The following DPYD variants were observed in gnomAD, a reference collection of about 807,000 sequenced individuals.
DPYD encodes the protein dihydropyrimidine dehydrogenase [NADP(+)].
DPYD carries 109 observed loss-of-function variants against 116.2 expected under a neutral mutation model. The ratio of observed to expected loss-of-function variants is 0.94; its 90% CI spans 0.80 to 1.10. The LOEUF (loss-of-function observed/expected upper bound fraction) is 1.10, where lower values mean the gene tolerates loss of function less well. Ranked by LOEUF, DPYD falls within the 50% of genes least tolerant of loss-of-function variation. DPYD has a pLI of 0.00. For missense variants in DPYD, 1,302 were observed against 1,254.5 expected, an observed-to-expected ratio of 1.04 and a Z score of -0.57; for synonymous variants, 440 against 432.0, an observed-to-expected ratio of 1.02 and a Z score of -0.23.
chr1:97,260,432 G>T lies in DPYD; in HGVS notation c.2300-25438C>A, dbSNP rs562586201. Among the ~76,000 whole-genome samples the T allele has an allele frequency of 7.2e-5, 11 of 152,104 alleles. No homozygotes were observed. In the South Asian group the frequency reaches 2.3e-3, roughly 32 times the overall value. On this transcript the variant is annotated intron_variant, in intron 18 of 22. Transcript: ENST00000370192. ...TAGAGATATAGCCAAAAAAGACAAT[G>T]AAAGTATTCTGGAGAGGTGTGATGG...
intron 16 of DPYD, among the ~76,000 whole-genome samples, chr1:97,330,410 G>A (rs1282282278): frequency 1.3e-5 from 2 of 152,084 alleles, no homozygotes; most frequent in Admixed American, 1.3e-4. Context: ...CTAGTAGTGG[G>A]CTGCATGTTA....
At chr1:97,082,092 A>G (rs543513391) in intron 22 of DPYD, among the ~76,000 whole-genome samples, 1 of 152,236 alleles carries the variant, frequency 6.6e-6, no homozygotes, top group South Asian at 2.1e-4. Flanking sequence ...GTGGCTGATG[A>G]AATGGTATAA....
chr1:97,287,787 T>A (rs4266934), intron 18 of DPYD, among the ~76,000 whole-genome samples: 2 of 151,756 alleles, frequency 1.3e-5, no homozygotes, highest in Non-Finnish European at 2.9e-5. Flanking sequence ...TCGGAAACTC[T>A]CAGTATTAGG....
chr1:97,371,175 G>C (rs563137231), intron 16 of DPYD, among the ~76,000 whole-genome samples: 1 of 152,136 alleles, frequency 6.6e-6, no homozygotes, highest in African/African-American at 2.4e-5. Flanking sequence ...AAATATTTGT[G>C]AGAAAATATT....
chr1:97,526,953 T>C (rs904048926), intron 12 of DPYD, among the ~76,000 whole-genome samples: 1 of 152,194 alleles, frequency 6.6e-6, no homozygotes. Context: ...TATTCTCCTA[T>C]TGAAGATGAG....
intron 16 of DPYD, among the ~76,000 whole-genome samples, chr1:97,347,112 A>G (rs1669896909): frequency 6.6e-6 from 1 of 151,558 alleles, no homozygotes; most frequent in African/African-American, 2.4e-5. Flanking sequence ...TTTTAAATTC[A>G]TTTTTCAAGC....
At chr1:97,920,546 C>A (rs958547269) in intron 1 of DPYD, among the ~76,000 whole-genome samples, 1 of 152,086 alleles carries the variant, frequency 6.6e-6, no homozygotes, top group South Asian at 2.1e-4. Flanking sequence ...GCACTCCTAC[C>A]CCCTAGAGTC....
chr1:97,390,212 A>G (rs1672619263), intron 14 of DPYD, among the ~76,000 whole-genome samples: 1 of 152,068 alleles, frequency 6.6e-6, no homozygotes, highest in Non-Finnish European at 1.5e-5. Context: ...CCAGTCAACA[A>G]TTCAGCTTCA....
intron 19 of DPYD, among the ~76,000 whole-genome samples, chr1:97,222,987 T>C (rs896199655): frequency 6.6e-6 from 1 of 152,030 alleles, no homozygotes; most frequent in African/African-American, 2.4e-5. Flanking sequence ...AAATTTGTAA[T>C]ATAGGGTGCA....
chr1:97,078,908 T>A lies in DPYD; in HGVS notation c.*68A>T. 1 of 1,540,116 alleles carries A rather than the reference T, an allele frequency of 6.5e-7. No individual in the cohort carries two copies. The highest frequency in any genetic ancestry group is 9.0e-7 in the Non-Finnish European group (1 of 1,112,974). On this transcript the variant is annotated 3_prime_UTR_variant, in exon 23 of 23. Coordinates refer to ENST00000370192, the MANE Select transcript of DPYD (RefSeq NM_000110.4). ...ATTTGGAAAGAGCTGAACACAAGGATCATGATTTTAAAAGATCAGCATATG... is the reference window on the plus strand; with the variant it reads ...ATTTGGAAAGAGCTGAACACAAGGAACATGATTTTAAAAGATCAGCATATG...
At chr1:97,697,995 G>T (rs1661397473) in intron 6 of DPYD, among the ~76,000 whole-genome samples, 1 of 151,882 alleles carries the variant, frequency 6.6e-6, no homozygotes, top group Admixed American at 6.6e-5. Context: ...TACATATATT[G>T]TTAATAGATT....
At chr1:97,312,190 C>T (rs958506270) in intron 16 of DPYD, among the ~76,000 whole-genome samples, 5 of 151,700 alleles carry the variant, frequency 3.3e-5, no homozygotes, top group South Asian at 4.2e-4. Flanking sequence ...CATCGAATCT[C>T]GCTAGTAATT....
intron 14 of DPYD, among the ~76,000 whole-genome samples, chr1:97,395,072 G>A (rs1473308042): frequency 6.6e-6 from 1 of 151,880 alleles, no homozygotes; most frequent in Admixed American, 6.6e-5. Flanking sequence ...CCTCTCCTGT[G>A]CCCTATTGCT....
intron 4 of DPYD, among the ~76,000 whole-genome samples, chr1:97,731,712 T>G (rs1245142682): frequency 6.6e-6 from 1 of 152,034 alleles, no homozygotes; most frequent in African/African-American, 2.4e-5. Context: ...CTAGTTCAAT[T>G]ACATTTTCTT....
chr1:97,807,187 T>C (rs1474603274), intron 3 of DPYD, among the ~76,000 whole-genome samples: 4 of 152,040 alleles, frequency 2.6e-5, no homozygotes, highest in Admixed American at 2.6e-4. Flanking sequence ...AAAAATGCAA[T>C]TGCTGGACTG....
At chr1:97,418,068 T>A (rs968286416) in intron 14 of DPYD, among the ~76,000 whole-genome samples, 13 of 152,232 alleles carry the variant, frequency 8.5e-5, no homozygotes, top group Non-Finnish European at 1.6e-4. Context: ...AAGGATTTAG[T>A]AAATAAGTTA....
chr1:97,841,707 G>T (rs61787780), intron 2 of DPYD, among the ~76,000 whole-genome samples: 1 of 151,014 alleles, frequency 6.6e-6, no homozygotes, highest in Non-Finnish European at 1.5e-5. Flanking sequence ...GGGAGTAGCA[G>T]GGGAAAAAAA....
intron 16 of DPYD, among the ~76,000 whole-genome samples, chr1:97,358,168 G>A (rs1331362030): frequency 6.6e-6 from 1 of 152,236 alleles, no homozygotes; most frequent in South Asian, 2.1e-4. Context: ...CTGGCTCAGT[G>A]GATTCCAAGC....
At chr1:97,284,343 T>A (rs531818218) in intron 18 of DPYD, among the ~76,000 whole-genome samples, 2 of 152,248 alleles carry the variant, frequency 1.3e-5, no homozygotes, top group South Asian at 4.1e-4. Flanking sequence ...CATAAACTAC[T>A]TTTAGTTTTC....
Sources: gnomAD v4.1 joint callset for allele counts (sites outside exome capture counted in the v4.1 genomes callset) on GRCh38, gnomAD v4.1.1 for gene constraint, MANE v1.5 for transcripts, NCBI Gene and HGNC (gene_info 2026-07-23, HGNC 2026-07-21) for gene names.